The following MACROD2 variants were observed in gnomAD, a reference collection of about 807,000 sequenced individuals.
The protein encoded by MACROD2 is ADP-ribose glycohydrolase MACROD2.
A neutral mutation model predicts 70.4 loss-of-function variants in MACROD2; 36 were observed. The ratio of observed to expected loss-of-function variants is 0.51; its 90% CI spans 0.39 to 0.68. The LOEUF is 0.68. Among genes scored for constraint, MACROD2 ranks in the 30% least tolerant of loss-of-function variants. The pLI is 0.00. For missense variants in MACROD2, 496 were observed against 538.4 expected (o/e 0.92, Z 0.78); for synonymous variants, 172 against 178.8 (o/e 0.96, Z 0.30).
intron 8 of MACROD2, among the ~76,000 whole-genome samples, chr20:15,760,180 G>T (rs554803878): frequency 1.3e-5 from 2 of 152,184 alleles, no homozygotes; most frequent in African/African-American, 4.8e-5. Context: ...TTGAATCATC[G>T]TGAGGAGTGT....
intron 7 of MACROD2, among the ~76,000 whole-genome samples, chr20:15,494,367 T>C (rs2047267561): frequency 6.6e-6 from 1 of 151,894 alleles, no homozygotes; most frequent in African/African-American, 2.4e-5. Flanking sequence ...CACCAAGACA[T>C]GTATGAGAAT....
intron 2 of MACROD2, among the ~76,000 whole-genome samples, chr20:14,057,097 G>A (rs2053639139): frequency 2.0e-5 from 3 of 152,072 alleles, no homozygotes; most frequent in Admixed American, 2.0e-4. Flanking sequence ...TTCCCACCAT[G>A]CACATTTGAT....
At chr20:15,653,285 A>G (rs554897154) in intron 8 of MACROD2, among the ~76,000 whole-genome samples, 75 of 152,348 alleles carry the variant, frequency 4.9e-4, no homozygotes, top group African/African-American at 1.8e-3. Context: ...TATTCATGAC[A>G]TCGTGGATGA....
chr20:14,641,798 T>C (rs1050419665), intron 4 of MACROD2, among the ~76,000 whole-genome samples: 1 of 152,228 alleles, frequency 6.6e-6, no homozygotes, highest in Non-Finnish European at 1.5e-5. Context: ...ATCCAGACTT[T>C]GTTGCTCCAT....
rs545769599 is a variant in MACROD2, at chr20:14,941,913, A to G, written c.418+256954A>G. Among the ~76,000 whole-genome samples, 31 of 148,572 alleles carry G rather than the reference A, an allele frequency of 2.1e-4. No homozygotes were observed. In the South Asian group the frequency reaches 4.3e-3, roughly 20 times the overall value. On this transcript the variant is annotated intron_variant, in intron 5 of 17. Transcript: ENST00000684519. ...ATCCTTCCATCTCAGCCTCCTTAGTATTTGGGACCACTGACGTGTGCCACC... is the reference window on the plus strand; with the variant it reads ...ATCCTTCCATCTCAGCCTCCTTAGTGTTTGGGACCACTGACGTGTGCCACC...
At chr20:14,962,951 C>G (rs147312215) in intron 5 of MACROD2, among the ~76,000 whole-genome samples, 54 of 152,220 alleles carry the variant, frequency 3.5e-4, no homozygotes, top group African/African-American at 1.1e-3. Context: ...GGAGAATATG[C>G]CATGGAGAAA....
chr20:14,466,430 T>G (rs1011544036), intron 3 of MACROD2, among the ~76,000 whole-genome samples: 1 of 152,116 alleles, frequency 6.6e-6, no homozygotes, highest in African/African-American at 2.4e-5. Context: ...TAGTTATCCA[T>G]TCGTCTAATT....
At chr20:15,585,689 C>A (rs1180842673) in intron 8 of MACROD2, among the ~76,000 whole-genome samples, 5 of 152,164 alleles carry the variant, frequency 3.3e-5, no homozygotes, top group African/African-American at 9.7e-5. Flanking sequence ...TAGGATTAAG[C>A]TCCAGTTGCT....
At chr20:15,289,610 G>T (rs1320008438) in intron 6 of MACROD2, among the ~76,000 whole-genome samples, 4 of 152,204 alleles carry the variant, frequency 2.6e-5, no homozygotes, top group African/African-American at 9.6e-5. Context: ...ATCAGAGGTA[G>T]ATCTTGAAAA....
chr20:15,247,057 G>A (rs572811162), intron 6 of MACROD2, among the ~76,000 whole-genome samples: 8 of 152,276 alleles, frequency 5.3e-5, no homozygotes, highest in African/African-American at 1.9e-4. Flanking sequence ...AGGGAATGGG[G>A]TGTGACTGCT....
chr20:14,576,000 G>A (rs1289205269), intron 4 of MACROD2, among the ~76,000 whole-genome samples: 1 of 152,076 alleles, frequency 6.6e-6, no homozygotes, highest in Non-Finnish European at 1.5e-5. Flanking sequence ...ATATATAGTT[G>A]TCTTCATTAT....
chr20:15,367,626 T>TC (rs1434852819), intron 6 of MACROD2, among the ~76,000 whole-genome samples: 9 of 151,412 alleles, frequency 5.9e-5, no homozygotes, highest in Non-Finnish European at 1.2e-4. Context: ...GGGTTTTACA[T>TC]TTTTTTTTCT....
intron 7 of MACROD2, among the ~76,000 whole-genome samples, chr20:15,471,632 T>A (rs1430364674): frequency 6.6e-6 from 1 of 152,228 alleles, no homozygotes; most frequent in Admixed American, 6.5e-5. Context: ...TTAGTTTCTT[T>A]CTTAAATGAG....
intron 7 of MACROD2, among the ~76,000 whole-genome samples, chr20:15,470,195 A>G (rs866329583): frequency 6.6e-6 from 1 of 152,080 alleles, no homozygotes; most frequent in Non-Finnish European, 1.5e-5. Context: ...GATTACAGGC[A>G]TGTGCCACCA....
chr20:15,622,707 C>T (rs541866418), intron 8 of MACROD2, among the ~76,000 whole-genome samples: 3 of 152,296 alleles, frequency 2.0e-5, no homozygotes, highest in African/African-American at 7.2e-5. Flanking sequence ...CTCACTTCAT[C>T]TCCTCACGTT....
intron 8 of MACROD2, among the ~76,000 whole-genome samples, chr20:15,797,392 G>A (rs1600906057): frequency 6.6e-6 from 1 of 152,302 alleles, no homozygotes; most frequent in East Asian, 1.9e-4. Flanking sequence ...TGGGATTACA[G>A]GCGTGAGCCA....
chr20:15,450,769 G>A (rs117819932), intron 7 of MACROD2, among the ~76,000 whole-genome samples: 1 of 152,266 alleles, frequency 6.6e-6, no homozygotes, highest in Non-Finnish European at 1.5e-5. Flanking sequence ...CCACAAATGA[G>A]CAAGTCATGT....
intron 8 of MACROD2, among the ~76,000 whole-genome samples, chr20:15,790,539 G>A (rs2063614468): frequency 6.6e-6 from 1 of 151,868 alleles, no homozygotes; most frequent in African/African-American, 2.4e-5. Context: ...AGATTATCCA[G>A]GAGGCCGTGT....
intron 1 of MACROD2, among the ~76,000 whole-genome samples, chr20:13,999,533 G>A (rs1363023927): frequency 4.6e-5 from 7 of 152,172 alleles, no homozygotes; most frequent in East Asian, 3.9e-4. Flanking sequence ...TATATGAGGC[G>A]AAATATTGTG....
Sources: allele counts gnomAD v4.1 joint callset (sites outside exome capture counted in the v4.1 genomes callset), GRCh38; gene constraint gnomAD v4.1.1; transcripts MANE v1.5; gene names NCBI Gene and HGNC (gene_info 2026-07-23, HGNC 2026-07-21).